MAP1B: variants seen among roughly 807,000 people sequenced by gnomAD.
MAP1B encodes microtubule associated protein 1B.
In MAP1B, 12 loss-of-function variants were observed where a neutral mutation model predicts 176.1. The ratio of observed to expected loss-of-function variants is 0.07; its 90% CI spans 0.04 to 0.11. The LOEUF (loss-of-function observed/expected upper bound fraction) is 0.11. Ranked by LOEUF, MAP1B falls within the 10% of genes least tolerant of loss-of-function variation. The probability of loss-of-function intolerance (pLI) is 1.00; values close to 1 mark genes in which losing one functional copy is unlikely to be tolerated. For missense variants in MAP1B, 2,523 were observed against 2,990.5 expected (o/e 0.84, Z 3.65); for synonymous variants, 1,044 against 1,135.0 (o/e 0.92, Z 1.61).
In MAP1B at chr5:72,208,245, C is replaced by A. The variant is rs1422393822; in HGVS notation, c.*3006C>A. 6.6e-6 allele frequency: 1 copy of A among 152,132 alleles called. No individual in the cohort carries two copies. Among genetic ancestry groups the A allele is most frequent in the African/African-American group, 2.4e-5 (1 of 41,420 alleles). The allele number at this position is 152,132 out of a possible 1,614,324, so 9.4% of individuals were successfully genotyped here. On this transcript the variant is annotated 3_prime_UTR_variant, in exon 7 of 7. Coordinates refer to ENST00000296755, the MANE Select transcript of MAP1B (RefSeq NM_005909.5). Reference sequence around the variant, plus strand: ...AACAGCCATCACAATGTACCATGTACATTCATGGTGAGAGCTAAAGATCGA... The same window carrying A: ...AACAGCCATCACAATGTACCATGTAAATTCATGGTGAGAGCTAAAGATCGA...
At chr5:72,137,926 T>C (rs1359398203) in intron 2 of MAP1B, among the ~76,000 whole-genome samples, 1 of 152,192 alleles carries the variant, frequency 6.6e-6, no homozygotes, top group Non-Finnish European at 1.5e-5. Context: ...ATGGAAAAAG[T>C]ATTAATATGC....
In MAP1B at chr5:72,199,409, T is replaced by C; in HGVS notation, c.6054T>C (p.Pro2018=). 6.2e-7 allele frequency: 1 copy of C among 1,614,166 alleles called. No homozygotes were observed. Among genetic ancestry groups the C allele is most frequent in the Non-Finnish European group, 8.5e-7 (1 of 1,180,040 alleles). Residue 2018 remains proline (P), a synonymous_variant, in exon 5 of 7, where the codon CCT becomes CCC. Transcript: ENST00000296755. The surrounding 1 kb of genome is among the most constrained non-coding windows in gnomAD (Gnocchi z 4.2). The stretch of plus-strand genomic sequence containing the variant: ...CCACTGAGAAAATTACCAGTTTCCC[T>C]GAGTCTGAAGGTTATTCCTATGAGA... ...YETTEKITSF[P]ESEGYSYETS... is the part of the protein sequence containing the mutation.
intron 4 of MAP1B, chr5:72,193,327 A>T (rs1406618119): frequency 7.7e-6 from 3 of 391,888 alleles, no homozygotes; most frequent in South Asian, 5.7e-5. Flanking sequence ...AATTTCTTTA[A>T]GGTATCCATC....
In MAP1B at chr5:72,136,658, A is replaced by G. The variant is rs181425611; in HGVS notation, c.286+20859A>G. Among the ~76,000 whole-genome samples, 499 of 152,152 alleles carry G rather than the reference A, an allele frequency of 3.3e-3. 2 individuals are homozygous for G. Among genetic ancestry groups the G allele is most frequent in the African/African-American group, 0.012 (479 of 41,496 alleles). On this transcript the variant is annotated intron_variant, in intron 2 of 6. Transcript: ENST00000296755. Reference sequence around the variant, plus strand: ...TCCTGCCCCAAGTCACACCTAGCCTAATGTTTTGTACCTTGACTCAATTGT... The same window carrying G: ...TCCTGCCCCAAGTCACACCTAGCCTGATGTTTTGTACCTTGACTCAATTGT...
intron 2 of MAP1B, among the ~76,000 whole-genome samples, chr5:72,135,363 AG>A (rs1157993716): frequency 6.6e-6 from 1 of 152,088 alleles, no homozygotes; most frequent in African/African-American, 2.4e-5. Flanking sequence ...CAGTGTTCTG[AG>A]GTGACCTTAT....
chr5:72,152,388 G>T (rs1414815242), intron 2 of MAP1B, among the ~76,000 whole-genome samples: 1 of 152,134 alleles, frequency 6.6e-6, no homozygotes, highest in African/African-American at 2.4e-5. Flanking sequence ...ACTGACACCA[G>T]GTCTGTGAAG....
intron 2 of MAP1B, among the ~76,000 whole-genome samples, chr5:72,134,515 TA>T (rs1340261084): frequency 9.9e-5 from 15 of 151,850 alleles, no homozygotes; most frequent in African/African-American, 3.6e-4. Context: ...TCATTTTCAT[TA>T]AGAAGAATTT....
intron 2 of MAP1B, among the ~76,000 whole-genome samples, chr5:72,134,515 T>A (rs1561294781): frequency 2.0e-5 from 3 of 151,850 alleles, no homozygotes; most frequent in Non-Finnish European, 2.9e-5. Flanking sequence ...TCATTTTCAT[T>A]AAGAAGAATT....
intron 2 of MAP1B, among the ~76,000 whole-genome samples, chr5:72,138,092 C>T (rs1229341302): frequency 6.6e-6 from 1 of 152,032 alleles, no homozygotes; most frequent in Non-Finnish European, 1.5e-5. Flanking sequence ...GTACTTGCCC[C>T]AAATATAAAA....
chr5:72,152,625 T>C (rs1244583731), intron 2 of MAP1B, among the ~76,000 whole-genome samples: 1 of 152,116 alleles, frequency 6.6e-6, no homozygotes, highest in Non-Finnish European at 1.5e-5. Context: ...TTCTGTATTT[T>C]TAGTAGAGAT....
At chr5:72,183,685 A>G in intron 2 of MAP1B, 58 bp from the exon 3 acceptor site, 1 of 1,290,656 alleles carries the variant, frequency 7.7e-7, no homozygotes. Flanking sequence ...CAGGCAGGGC[A>G]GTTTTTATCT....
chr5:72,176,880 G>A (rs1257064961), intron 2 of MAP1B, among the ~76,000 whole-genome samples: 1 of 152,216 alleles, frequency 6.6e-6, no homozygotes, highest in African/African-American at 2.4e-5. Context: ...GGATGAATGC[G>A]AAAAGATGAA....
At chr5:72,133,939 A>G (rs141901425) in intron 2 of MAP1B, among the ~76,000 whole-genome samples, 88 of 152,352 alleles carry the variant, frequency 5.8e-4, no homozygotes, top group African/African-American at 2.0e-3. Context: ...TTCTTTAATC[A>G]GAATCTGTCA....
chr5:72,167,575 G>A (rs370153751), intron 2 of MAP1B, among the ~76,000 whole-genome samples: 2 of 152,172 alleles, frequency 1.3e-5, no homozygotes, highest in Non-Finnish European at 2.9e-5. Context: ...CTAGTGTTCC[G>A]TTAGATATCC....
intron 2 of MAP1B, among the ~76,000 whole-genome samples, chr5:72,181,351 G>A (rs1408154418): frequency 1.3e-5 from 2 of 151,902 alleles, no homozygotes; most frequent in African/African-American, 2.4e-5. Context: ...ACTGCTTTAT[G>A]TTTTTTATTT....
chr5:72,127,237 G>A (rs1045462727), intron 2 of MAP1B, among the ~76,000 whole-genome samples: 11 of 152,192 alleles, frequency 7.2e-5, no homozygotes, highest in Non-Finnish European at 1.5e-4. Flanking sequence ...CTACCAATTA[G>A]CACACCATAA....
intron 2 of MAP1B, among the ~76,000 whole-genome samples, chr5:72,158,877 C>T (rs572116651): frequency 6.6e-6 from 1 of 152,160 alleles, no homozygotes; most frequent in African/African-American, 2.4e-5. Context: ...AAAGGGTTCA[C>T]TTATGCAGAA....
intron 2 of MAP1B, among the ~76,000 whole-genome samples, chr5:72,126,479 A>G (rs1332418715): frequency 6.6e-6 from 1 of 152,128 alleles, no homozygotes; most frequent in African/African-American, 2.4e-5. Context: ...TTGTCTAACC[A>G]TACATTTCCT....
At position 72,194,599 on chromosome 5, in the gene MAP1B, T is replaced by C. The variant is rs1747105119; in HGVS notation, c.1244T>C (p.Met415Thr). 1 of 1,613,966 alleles carries C rather than the reference T, an allele frequency of 6.2e-7. No individual in the cohort carries two copies. The highest frequency in any genetic ancestry group is 8.5e-7 in the Non-Finnish European group (1 of 1,180,048). The part of the protein sequence containing the change: ...TIDPVILFQK[M>T]GVGKLEMYVL... ...GATCCTGTCATTCTTTTCCAAAAAA[T>C]GGGAGTAGGTAAACTTGAGATGTAT... The change falls in exon 5 of 7, where the codon ATG becomes ACG. Residue 415 changes from methionine (M) to threonine (T), a missense_variant. Physicochemically the swap from Met to Thr is moderately conservative, Grantham distance 81. Around this residue, in one of 4 missense-constraint regions of MAP1B, gnomAD observed 1,925 missense variants for 2,126.0 expected, o/e 0.91. Transcript: ENST00000296755. The surrounding 1 kb of genome is among the most constrained non-coding windows in gnomAD (Gnocchi z 7.2).
Sources: gnomAD v4.1 joint callset for allele counts (sites outside exome capture counted in the v4.1 genomes callset) on GRCh38, gnomAD v4.1.1 for gene constraint, gnomAD v4.1.1 regional missense constraint, Gnocchi (gnomAD v3.1) non-coding constraint, MANE v1.5 for transcripts, NCBI Gene and HGNC (gene_info 2026-07-23, HGNC 2026-07-21) for gene names.